Variants in CACNB2 observed in about 807,000 individuals in gnomAD.
CACNB2 encodes calcium voltage-gated channel auxiliary subunit beta 2.
A neutral mutation model predicts 73.3 loss-of-function variants in CACNB2; 42 were observed. The observed-to-expected ratio is 0.57, with a 90% CI of 0.45 to 0.74. The LOEUF is 0.74. CACNB2 is among the 30% of genes least tolerant of loss of function. The pLI, the probability that CACNB2 is intolerant of heterozygous loss-of-function variation, is 0.00. For synonymous variants in CACNB2, 348 were observed against 310.3 expected (o/e 1.12, Z -1.28); for missense variants, 940 against 853.0 (o/e 1.10, Z -1.27).
chr10:18,311,329 T>C (rs1288978512), intron 2 of CACNB2, among the ~76,000 whole-genome samples: 1 of 152,188 alleles, frequency 6.6e-6, no homozygotes, highest in South Asian at 2.1e-4. Flanking sequence ...CTTAGTAGTC[T>C]TCTCATCTCT....
At chr10:18,277,679 G>A (rs2038358514) in intron 2 of CACNB2, among the ~76,000 whole-genome samples, 1 of 152,140 alleles carries the variant, frequency 6.6e-6, no homozygotes, top group African/African-American at 2.4e-5. Flanking sequence ...GCTTAACAAT[G>A]TCTACACTTA....
At chr10:18,506,449 A>G (rs199751426) in intron 5 of CACNB2, 22 bp from the exon 6 acceptor site, 14 of 1,414,968 alleles carry the variant, frequency 9.9e-6, no homozygotes, top group South Asian at 2.3e-5. Context: ...CAGATTTAAT[A>G]GAAATTTTTG....
chr10:18,334,936 G>A (rs1485444196), intron 2 of CACNB2, among the ~76,000 whole-genome samples: 6 of 151,848 alleles, frequency 4.0e-5, no homozygotes, highest in Admixed American at 2.6e-4. Context: ...GTTTTGTTTC[G>A]TGCTTTCCTT....
chr10:18,282,569 T>C (rs1273487628), intron 2 of CACNB2, among the ~76,000 whole-genome samples: 1 of 152,222 alleles, frequency 6.6e-6, no homozygotes, highest in Non-Finnish European at 1.5e-5. Flanking sequence ...GGAAGACTTA[T>C]TAACTCAGTG....
chr10:18,392,175 C>G (rs2043507444), intron 2 of CACNB2, among the ~76,000 whole-genome samples: 1 of 151,810 alleles, frequency 6.6e-6, no homozygotes, highest in South Asian at 2.1e-4. Flanking sequence ...AAGGTTAGAG[C>G]CGAAAGAAGG....
chr10:18,210,628 C>G (rs2035279776), intron 2 of CACNB2, among the ~76,000 whole-genome samples: 1 of 152,060 alleles, frequency 6.6e-6, no homozygotes, highest in Non-Finnish European at 1.5e-5. Context: ...GTTTCCTTAT[C>G]TGAAAATTGG....
intron 2 of CACNB2, among the ~76,000 whole-genome samples, chr10:18,293,462 A>G (rs2039150613): frequency 6.6e-6 from 1 of 152,216 alleles, no homozygotes; most frequent in Non-Finnish European, 1.5e-5. Flanking sequence ...CATCTGATTA[A>G]TACTCCTAAA....
At chr10:18,492,620 C>CAAAAAAAAAAAAAAAAAAA (rs371407084) in intron 3 of CACNB2, among the ~76,000 whole-genome samples, 5 of 90,384 alleles carry the variant, frequency 5.5e-5, no homozygotes, top group East Asian at 3.1e-4. Context: ...GACTCTGTCT[C>CAAAAAAAAAAAAAAAAAAA]AAAAAAAAAA....
chr10:18,486,107 A>G (rs1201725802), intron 3 of CACNB2, among the ~76,000 whole-genome samples: 2 of 152,168 alleles, frequency 1.3e-5, no homozygotes, highest in Non-Finnish European at 2.9e-5. Context: ...GTATTAGGAA[A>G]TGAAGAAATC....
intron 2 of CACNB2, among the ~76,000 whole-genome samples, chr10:18,397,713 T>G (rs1275676075): frequency 4.6e-4 from 35 of 75,326 alleles, no homozygotes; most frequent in African/African-American, 2.2e-3. Flanking sequence ...AAAGCGAGAC[T>G]CCGTCTCAAA....
intron 2 of CACNB2, among the ~76,000 whole-genome samples, chr10:18,355,398 A>G (rs2041867060): frequency 6.6e-6 from 1 of 152,164 alleles, no homozygotes; most frequent in African/African-American, 2.4e-5. Context: ...TTTTTTAAAA[A>G]TGGGACTTCT....
intron 2 of CACNB2, among the ~76,000 whole-genome samples, chr10:18,248,432 G>A (rs887287944): frequency 1.3e-5 from 2 of 152,114 alleles, no homozygotes; most frequent in African/African-American, 2.4e-5. Flanking sequence ...TAAATCATAT[G>A]AATCTCCCCA....
intron 2 of CACNB2, among the ~76,000 whole-genome samples, chr10:18,325,181 C>CA (rs994667620): frequency 6.6e-6 from 1 of 152,116 alleles, no homozygotes; most frequent in African/African-American, 2.4e-5. Flanking sequence ...TCATTTGCCT[C>CA]AAACCTAGTT....
At chr10:18,152,068 C>A (rs1429728080) in intron 2 of CACNB2, among the ~76,000 whole-genome samples, 1 of 152,168 alleles carries the variant, frequency 6.6e-6, no homozygotes. Flanking sequence ...TTGTGGCACT[C>A]CCCAAGTGCC....
chr10:18,284,076 TA>T (rs1033241107), intron 2 of CACNB2, among the ~76,000 whole-genome samples: 49 of 151,666 alleles, frequency 3.2e-4, no homozygotes, highest in Admixed American at 1.2e-3. Context: ...AAAATAAAAA[TA>T]AAAAAATAAT....
intron 2 of CACNB2, among the ~76,000 whole-genome samples, chr10:18,181,381 T>C (rs1031203219): frequency 1.3e-5 from 2 of 152,064 alleles, no homozygotes; most frequent in African/African-American, 4.8e-5. Context: ...TCAATCTTAA[T>C]AGTGAGAAGA....
intron 2 of CACNB2, among the ~76,000 whole-genome samples, chr10:18,347,766 T>C (rs543113540): frequency 2.0e-5 from 3 of 152,172 alleles, no homozygotes; most frequent in South Asian, 4.1e-4. Flanking sequence ...AACACAGGTA[T>C]TTCTGCAACC....
At chr10:18,522,106 C>T (rs1056485285) in intron 9 of CACNB2, among the ~76,000 whole-genome samples, 1 of 151,990 alleles carries the variant, frequency 6.6e-6, no homozygotes, top group Non-Finnish European at 1.5e-5. Flanking sequence ...ACTCTGCATG[C>T]GAGGGATCTA....
chr10:18,145,446 T>G (rs1385541247), intron 1 of CACNB2, among the ~76,000 whole-genome samples: 2 of 152,176 alleles, frequency 1.3e-5, no homozygotes, highest in Non-Finnish European at 2.9e-5. Flanking sequence ...TGGGAGAAAT[T>G]TACAGACATG....
Sources: gnomAD v4.1 joint callset for allele counts (sites outside exome capture counted in the v4.1 genomes callset) on GRCh38, gnomAD v4.1.1 for gene constraint, MANE v1.5 for transcripts, NCBI Gene and HGNC (gene_info 2026-07-23, HGNC 2026-07-21) for gene names.